The following ASIC2 variants were observed in gnomAD, a reference collection of about 807,000 sequenced individuals.
ASIC2 encodes the protein acid-sensing ion channel 2.
A neutral mutation model predicts 57.3 loss-of-function variants in ASIC2; 25 were observed. That is an observed-to-expected ratio of 0.44 (90% CI 0.32 to 0.61). ASIC2 has a LOEUF of 0.61. Ranked by LOEUF, ASIC2 falls within the 20% of genes least tolerant of loss-of-function variation. The probability of loss-of-function intolerance (pLI) is 0.06; values close to 1 mark genes in which losing one functional copy is unlikely to be tolerated. For synonymous variants in ASIC2, 319 were observed against 307.5 expected (o/e 1.04, Z -0.39); for missense variants, 641 against 738.1 (o/e 0.87, Z 1.52).
Position 33,132,722 on chromosome 17 carries a change from C to T in ASIC2, c.709-20655G>A, listed in dbSNP as rs1437301211. Among the ~76,000 whole-genome samples the T allele has an allele frequency of 2.6e-5, 4 of 152,332 alleles. No individual in the cohort carries two copies. The South Asian group carries it at 6.2e-4, about 24-fold the overall frequency. ...GCTATTCCTGGGTCCTGGCTTTATG[C>T]AGGCATCTTGGTTCCAGGGCTGTCT... On this transcript the variant is annotated intron_variant, in intron 1 of 9. Transcript: ENST00000225823.
intron 2 of ASIC2, among the ~76,000 whole-genome samples, chr17:33,104,791 G>T (rs2092228804): frequency 6.6e-6 from 1 of 152,314 alleles, no homozygotes; most frequent in African/African-American, 2.4e-5. Context: ...ATTTAGTGGA[G>T]GGAGCATCCC....
chr17:34,039,946 C>A (rs576414194), intron 1 of ASIC2: 10 of 1,282,126 alleles, frequency 7.8e-6, no homozygotes, highest in South Asian at 2.4e-5. Flanking sequence ...GGCTGCGGAC[C>A]GCTCCGCTCT....
At chr17:34,149,891 T>C (rs1474596682) in intron 1 of ASIC2, among the ~76,000 whole-genome samples, 1 of 152,210 alleles carries the variant, frequency 6.6e-6, no homozygotes, top group Non-Finnish European at 1.5e-5. Context: ...CTACTGGGTA[T>C]ATATCCAAAG....
At chr17:33,738,718 G>A (rs1910003918) in intron 1 of ASIC2, among the ~76,000 whole-genome samples, 1 of 152,142 alleles carries the variant, frequency 6.6e-6, no homozygotes, top group Non-Finnish European at 1.5e-5. Context: ...CGTATAGGCA[G>A]ATCCAACTAA....
At chr17:33,578,214 T>C (rs908399813) in intron 1 of ASIC2, among the ~76,000 whole-genome samples, 4 of 152,186 alleles carry the variant, frequency 2.6e-5, no homozygotes. Context: ...ATTTTAGGAA[T>C]GATGAGACGT....
chr17:34,082,984 C>A (rs1427811318), intron 1 of ASIC2, among the ~76,000 whole-genome samples: 1 of 151,800 alleles, frequency 6.6e-6, no homozygotes, highest in Non-Finnish European at 1.5e-5. Context: ...TCACAGCATG[C>A]ATTTATTTGT....
intron 1 of ASIC2, among the ~76,000 whole-genome samples, chr17:33,146,251 T>G (rs1904558272): frequency 6.6e-6 from 1 of 152,192 alleles, no homozygotes; most frequent in Admixed American, 6.5e-5. Context: ...AGCAACTAAA[T>G]GAATACCACT....
At chr17:34,098,766 C>T (rs1273553120) in intron 1 of ASIC2, among the ~76,000 whole-genome samples, 2 of 152,138 alleles carry the variant, frequency 1.3e-5, no homozygotes, top group Non-Finnish European at 2.9e-5. Flanking sequence ...TGGCTTGCAT[C>T]ATCTGAACAC....
chr17:33,162,999 G>A (rs1042160631), intron 1 of ASIC2, among the ~76,000 whole-genome samples: 5 of 152,218 alleles, frequency 3.3e-5, no homozygotes, highest in Non-Finnish European at 7.3e-5. Flanking sequence ...CTGACTGAGA[G>A]TCTACTGGCC....
intron 1 of ASIC2, among the ~76,000 whole-genome samples, chr17:33,621,130 C>G (rs1905779736): frequency 6.6e-6 from 1 of 152,192 alleles, no homozygotes. Context: ...AGCACCACCC[C>G]AGCCATTCCC....
upstream of ASIC2, among the ~76,000 whole-genome samples, chr17:33,297,852 AAATAAATAAATAAAT>A (rs1905781595): frequency 6.9e-6 from 1 of 145,338 alleles, no homozygotes; most frequent in African/African-American, 2.7e-5. Context: ...ATAAATAAAT[AAATAAATAAATAAAT>A]AATAAAGTTT....
intron 1 of ASIC2, among the ~76,000 whole-genome samples, chr17:33,404,271 C>A (rs571388185): frequency 6.6e-6 from 1 of 152,172 alleles, no homozygotes; most frequent in Non-Finnish European, 1.5e-5. Flanking sequence ...GATTGCACAA[C>A]TCTGTAAGTT....
chr17:33,365,954 A>G (rs1908792774), intron 1 of ASIC2, among the ~76,000 whole-genome samples: 1 of 152,222 alleles, frequency 6.6e-6, no homozygotes, highest in African/African-American at 2.4e-5. Flanking sequence ...GTAGACAGAT[A>G]CCACAGATAC....
At position 33,445,455 on chromosome 17, in the gene ASIC2, T is replaced by TTAAAA. The variant is rs1190602759; in HGVS notation, c.556-333393_556-333389dup. Among the ~76,000 whole-genome samples the TTAAAA allele has an allele frequency of 2.6e-3, 398 of 151,702 alleles. 1 individual carries two copies. The highest frequency in any genetic ancestry group is 6.6e-3 in the African/African-American group (275 of 41,374). Reference sequence around the variant, plus strand: ...CTAAAATAAAATAAATTAAAATAAATTAAAATAAAATCAGAAGATATGGGA... The same window carrying TTAAAA: ...CTAAAATAAAATAAATTAAAATAAATTAAAATAAAATAAAATCAGAAGATATGGGA... On this transcript the variant is annotated intron_variant, in intron 1 of 9. Coordinates refer to the ASIC2 transcript ENST00000359872.
At chr17:33,817,853 A>C (rs77487439) in intron 1 of ASIC2, among the ~76,000 whole-genome samples, 4,758 of 152,248 alleles carry the variant, frequency 0.031, 263 homozygotes, top group African/African-American at 0.11. Context: ...AGAGTTCTCC[A>C]ATGCCTTGTT....
chr17:34,082,540 G>A (rs780939724), intron 1 of ASIC2, among the ~76,000 whole-genome samples: 1 of 152,118 alleles, frequency 6.6e-6, no homozygotes, highest in Non-Finnish European at 1.5e-5. Flanking sequence ...CTTTTGCCTT[G>A]GACTGATAAA....
At chr17:33,184,586 C>T (rs1906114396) in intron 1 of ASIC2, among the ~76,000 whole-genome samples, 1 of 152,162 alleles carries the variant, frequency 6.6e-6, no homozygotes, top group Non-Finnish European at 1.5e-5. Context: ...AGAGCAGTGC[C>T]ACGTTGCCTG....
intron 1 of ASIC2, among the ~76,000 whole-genome samples, chr17:33,435,724 C>T (rs1216338597): frequency 1.3e-5 from 2 of 152,184 alleles, no homozygotes; most frequent in Non-Finnish European, 2.9e-5. Flanking sequence ...TTAGGATCCA[C>T]CATTTATATC....
intron 1 of ASIC2, among the ~76,000 whole-genome samples, chr17:34,099,804 A>G (rs1026489277): frequency 2.7e-5 from 4 of 147,334 alleles, no homozygotes; most frequent in Middle Eastern, 3.6e-3. Context: ...GAAAGAAAGA[A>G]AAGAGAATCT....
Sources: allele counts gnomAD v4.1 joint callset (sites outside exome capture counted in the v4.1 genomes callset), GRCh38; gene constraint gnomAD v4.1.1; transcripts MANE v1.5; gene names NCBI Gene and HGNC (gene_info 2026-07-23, HGNC 2026-07-21).